Variants in FBXL7 observed in about 807,000 individuals in gnomAD.
FBXL7 encodes F-box and leucine rich repeat protein 7.
FBXL7 carries 12 observed loss-of-function variants against 38.3 expected under a neutral mutation model. The observed-to-expected ratio is 0.31, with a 90% CI of 0.20 to 0.51. The LOEUF (loss-of-function observed/expected upper bound fraction) is 0.51, where lower values mean the gene tolerates loss of function less well. Among genes scored for constraint, FBXL7 ranks in the 20% least tolerant of loss-of-function variants. The pLI, the probability that FBXL7 is intolerant of heterozygous loss-of-function variation, is 0.98. For synonymous variants in FBXL7, 297 were observed against 300.9 expected (o/e 0.99, Z 0.13); for missense variants, 567 against 676.4 (o/e 0.84, Z 1.79).
intron 2 of FBXL7, among the ~76,000 whole-genome samples, chr5:15,681,701 G>A (rs916397333): frequency 6.6e-6 from 1 of 152,188 alleles, no homozygotes; most frequent in Non-Finnish European, 1.5e-5. Context: ...CAAAAATGTG[G>A]ATTTAATACA....
At chr5:15,504,563 A>T (rs1367274184) in intron 1 of FBXL7, among the ~76,000 whole-genome samples, 1 of 152,290 alleles carries the variant, frequency 6.6e-6, no homozygotes, top group East Asian at 1.9e-4. Context: ...AGGTTATTGG[A>T]CTAATTTGCA....
At chr5:15,604,806 G>A (rs938758554) in intron 1 of FBXL7, among the ~76,000 whole-genome samples, 4 of 151,990 alleles carry the variant, frequency 2.6e-5, no homozygotes, top group African/African-American at 7.2e-5. Context: ...CAGTCCTTCC[G>A]GCTCTCTCCA....
intron 2 of FBXL7, among the ~76,000 whole-genome samples, chr5:15,851,435 A>T (rs1739091384): frequency 6.6e-6 from 1 of 152,168 alleles, no homozygotes; most frequent in Admixed American, 6.5e-5. Flanking sequence ...CTTGTCCGCC[A>T]ACAGGCTAGA....
rs546133644 is a variant in FBXL7, at chr5:15,691,305, A to G, written c.127+75233A>G. Among the ~76,000 whole-genome samples the G allele has an allele frequency of 2.1e-3, 326 of 152,346 alleles. 2 individuals are homozygous for G. The highest frequency in any genetic ancestry group is 7.5e-3 in the African/African-American group (310 of 41,580). ...ATTCCTTGCCTTTAAAGCGAAAATC[A>G]TGAATCAACTTGATGTTTCATGTAA... On this transcript the variant is annotated intron_variant, in intron 2 of 3. Transcript: ENST00000504595.
At chr5:15,548,301 C>T (rs1420365238) in intron 1 of FBXL7, among the ~76,000 whole-genome samples, 2 of 152,078 alleles carry the variant, frequency 1.3e-5, no homozygotes, top group Non-Finnish European at 2.9e-5. Flanking sequence ...AAGGTAAACT[C>T]CTTTGAAGGA....
intron 2 of FBXL7, among the ~76,000 whole-genome samples, chr5:15,690,948 T>G (rs4601044): frequency 0.75 from 113,541 of 152,168 alleles, 42,666 homozygotes; most frequent in East Asian, 0.88. Context: ...TGTTATCAGT[T>G]TTTGAGGATG....
chr5:15,622,435 G>A (rs1008534134), intron 2 of FBXL7, among the ~76,000 whole-genome samples: 3 of 152,012 alleles, frequency 2.0e-5, no homozygotes, highest in South Asian at 4.2e-4. Context: ...ATCCCTCCCC[G>A]CTCTCCCCAC....
chr5:15,776,767 G>A (rs960066093), intron 2 of FBXL7, among the ~76,000 whole-genome samples: 3 of 152,006 alleles, frequency 2.0e-5, no homozygotes. Context: ...ATATTCCTAA[G>A]TTTTACCTTA....
intron 2 of FBXL7, among the ~76,000 whole-genome samples, chr5:15,692,310 A>C (rs1348841975): frequency 6.6e-6 from 1 of 152,228 alleles, no homozygotes; most frequent in East Asian, 1.9e-4. Flanking sequence ...AATAATACTA[A>C]GTATTAGCCC....
At chr5:15,595,645 T>C (rs920571316) in intron 1 of FBXL7, among the ~76,000 whole-genome samples, 3 of 152,192 alleles carry the variant, frequency 2.0e-5, no homozygotes, top group Non-Finnish European at 2.9e-5. Flanking sequence ...TGTTAATTCA[T>C]AGAAAATCTG....
At chr5:15,746,548 A>AG (rs1185751179) in intron 2 of FBXL7, among the ~76,000 whole-genome samples, 3 of 152,178 alleles carry the variant, frequency 2.0e-5, no homozygotes, top group African/African-American at 7.2e-5. Flanking sequence ...GGCAGGAGTG[A>AG]GGGATTTCTC....
intron 2 of FBXL7, among the ~76,000 whole-genome samples, chr5:15,769,353 T>G (rs1313500872): frequency 1.3e-5 from 2 of 152,216 alleles, no homozygotes; most frequent in Non-Finnish European, 1.5e-5. Context: ...GTGTGTGTGT[T>G]GTGGGCAGGA....
intron 2 of FBXL7, among the ~76,000 whole-genome samples, chr5:15,697,569 A>C (rs1445544086): frequency 6.6e-6 from 1 of 151,978 alleles, no homozygotes; most frequent in African/African-American, 2.4e-5. Flanking sequence ...CTATTTCTGC[A>C]TTCTAGATTC....
intron 2 of FBXL7, among the ~76,000 whole-genome samples, chr5:15,927,249 C>T (rs945600563): frequency 4.6e-5 from 7 of 152,192 alleles, no homozygotes; most frequent in Admixed American, 1.3e-4. Context: ...CAGGGCTTGT[C>T]GTTGCAAGGG....
rs371679882 is a variant in FBXL7, at chr5:15,678,519, G to C, written c.127+62447G>C. Among the ~76,000 whole-genome samples the C allele has an allele frequency of 6.6e-5, 10 of 152,306 alleles. 1 individual carries two copies. Among genetic ancestry groups the C allele is most frequent in the African/African-American group, 1.9e-4 (8 of 41,582 alleles). On this transcript the variant is annotated intron_variant, in intron 2 of 3. Transcript: ENST00000504595. The stretch of plus-strand genomic sequence containing the variant: ...CCTGTGAAAACAGCTGTTGTCTTGA[G>C]AGAAATCAAACTCTTTCTTTGATCG...
At chr5:15,504,282 C>T (rs1459674576) in intron 1 of FBXL7, among the ~76,000 whole-genome samples, 3 of 152,102 alleles carry the variant, frequency 2.0e-5, no homozygotes, top group Non-Finnish European at 2.9e-5. Context: ...CTTATAATGC[C>T]GTAAGGGACC....
At chr5:15,801,009 A>G (rs2126741133) in intron 2 of FBXL7, among the ~76,000 whole-genome samples, 1 of 152,320 alleles carries the variant, frequency 6.6e-6, no homozygotes, top group African/African-American at 2.4e-5. Context: ...AGCAGTTTGC[A>G]AAGTCAGGCA....
intron 2 of FBXL7, among the ~76,000 whole-genome samples, chr5:15,873,379 A>G (rs1017654056): frequency 3.3e-5 from 5 of 152,186 alleles, no homozygotes; most frequent in African/African-American, 1.2e-4. Flanking sequence ...AAACAAATTC[A>G]AAAGCCAGCA....
intron 2 of FBXL7, among the ~76,000 whole-genome samples, chr5:15,817,545 T>C (rs920732534): frequency 6.6e-6 from 1 of 152,142 alleles, no homozygotes; most frequent in Non-Finnish European, 1.5e-5. Flanking sequence ...TCATCTTGAA[T>C]TGTAGTTCCT....
Sources: allele counts gnomAD v4.1 joint callset (sites outside exome capture counted in the v4.1 genomes callset), GRCh38; gene constraint gnomAD v4.1.1; transcripts MANE v1.5; gene names NCBI Gene and HGNC (gene_info 2026-07-23, HGNC 2026-07-21).